Variants in POT1 observed in about 807,000 individuals in gnomAD.
The protein encoded by POT1 is protection of telomeres 1.
Under a neutral mutation model 78.5 loss-of-function variants are expected in POT1, and 47 were observed. The observed-to-expected ratio is 0.60, with a 90% CI of 0.47 to 0.76. The LOEUF (loss-of-function observed/expected upper bound fraction) is 0.76. Among genes scored for constraint, POT1 ranks in the 30% least tolerant of loss-of-function variants. The pLI is 0.00. For synonymous variants in POT1, 259 were observed against 260.7 expected (o/e 0.99, Z 0.06); for missense variants, 646 against 749.9 (o/e 0.86, Z 1.62).
chr7:124,845,913 C>T (rs989251802), intron 12 of POT1, among the ~76,000 whole-genome samples: 33 of 152,052 alleles, frequency 2.2e-4, no homozygotes, highest in East Asian at 5.8e-4. Context: ...AGCCATTTGA[C>T]GAGTTTCATC....
Position 124,823,966 on chromosome 7 carries a change from AT to A in POT1, c.1900del (p.Ile634SerfsTer20), listed in dbSNP as rs752035913. ...IFDTTVAEDV[I>X] ...ATGCTAAATTGGATGGCAATATTAGATTACATCTTCTGCAACTGTGGTGTCA... is the reference window on the plus strand; with the variant it reads ...ATGCTAAATTGGATGGCAATATTAGATACATCTTCTGCAACTGTGGTGTCA... On this transcript the variant is annotated frameshift_variant, in exon 19 of 19. Transcript: ENST00000357628. LOFTEE classifies it high-confidence loss of function. The A allele has an allele frequency of 6.4e-7, 1 of 1,561,482 alleles. No homozygotes were observed. The highest frequency in any genetic ancestry group is 1.1e-5 in the South Asian group (1 of 88,916).
At chr7:124,858,773 C>T (rs942227588) in intron 9 of POT1, 184 bp downstream of exon 9, 5 of 406,320 alleles carry the variant, frequency 1.2e-5, no homozygotes, top group African/African-American at 1.0e-4. Context: ...TTGCTCTAAC[C>T]CATTAAGTTT....
rs1189842655 is a variant in POT1, at chr7:124,822,471, T to C, written c.*1491A>G. On this transcript the variant is annotated 3_prime_UTR_variant, in exon 19 of 19. Coordinates refer to ENST00000357628, the MANE Select transcript of POT1 (RefSeq NM_015450.3). ...GAAGATTCATAGGAAGAGTTTTCCT[T>C]TGTTAACGTGGAGATCTTGCAGGCT... 7.0e-6 allele frequency: 3 copies of C among 428,202 alleles called. No homozygotes were observed. The highest frequency in any genetic ancestry group is 9.6e-6 in the Non-Finnish European group (2 of 208,462). The allele number at this position is 428,202 out of a possible 1,614,324, so 26.5% of individuals were successfully genotyped here. A position where few individuals can be genotyped will look rare whatever the true frequency, so the allele number is the denominator to read the frequency against.
At chr7:124,882,999 T>C (rs1796153937) in intron 6 of POT1, among the ~76,000 whole-genome samples, 1 of 152,004 alleles carries the variant, frequency 6.6e-6, no homozygotes, top group Admixed American at 6.6e-5. Context: ...ACAGTATAAG[T>C]AAGCTGAAGA....
chr7:124,875,365 T>A (rs536406984), intron 6 of POT1, among the ~76,000 whole-genome samples: 1 of 152,318 alleles, frequency 6.6e-6, no homozygotes, highest in South Asian at 2.1e-4. Flanking sequence ...ATGAGGCAAT[T>A]GTCTAAAGGA....
chr7:124,834,098 ATC>A, intron 15 of POT1, among the ~76,000 whole-genome samples: 1 of 152,174 alleles, frequency 6.6e-6, no homozygotes, highest in African/African-American at 2.4e-5. Flanking sequence ...TTATACAAAA[ATC>A]AACTCAAGAT....
intron 14 of POT1, chr7:124,837,181 TGTTTACAAAGGGGATATATCCA>T (rs1265830433): frequency 3.5e-6 from 1 of 289,514 alleles, no homozygotes; most frequent in Non-Finnish European, 6.8e-6. Flanking sequence ...TTTCCTCTTC[TGTTTACAAAGGGGATATATCCA>T]GCTTACAGAA....
At chr7:124,925,569 T>C (rs1180453194) in intron 2 of POT1, among the ~76,000 whole-genome samples, 2 of 151,992 alleles carry the variant, frequency 1.3e-5, no homozygotes, top group East Asian at 3.9e-4. Context: ...CCTTATCAAA[T>C]TACTGATGTC....
At chr7:124,886,939 T>TA in intron 6 of POT1, among the ~76,000 whole-genome samples, 1 of 152,244 alleles carries the variant, frequency 6.6e-6, no homozygotes, top group Admixed American at 6.5e-5. Flanking sequence ...ATCAACTTGT[T>TA]AAAAAAACTT....
intron 6 of POT1, among the ~76,000 whole-genome samples, chr7:124,884,030 T>C (rs1009918499): frequency 6.6e-5 from 10 of 151,988 alleles, no homozygotes; most frequent in Non-Finnish European, 1.3e-4. Context: ...TGGAAGTACA[T>C]TGTTATACTT....
At chr7:124,828,713 A>G (rs1332855990) in intron 16 of POT1, among the ~76,000 whole-genome samples, 2 of 152,222 alleles carry the variant, frequency 1.3e-5, no homozygotes, top group Non-Finnish European at 2.9e-5. Flanking sequence ...AAAAAAAATT[A>G]CATTAAGAAT....
In POT1 at chr7:124,863,766, A is replaced by T. The variant is rs77854550; in HGVS notation, c.256-126T>A. The T allele has an allele frequency of 7.6e-3, 5,493 of 718,588 alleles. 220 individuals are homozygous for T. The African/African-American group carries it at 0.086, about 11-fold the overall frequency. 44.5% of individuals were successfully genotyped at this position (718,588 alleles called of 1,614,324 possible). On this transcript the variant is annotated intron_variant, in intron 7 of 18. Transcript: ENST00000357628. ...GCATAATTAAGAGAGGGCATTTTTT[A>T]AAAACTATTTTTCATTTAATTAGCA...
chr7:124,860,315 G>A (rs996384882), intron 8 of POT1, among the ~76,000 whole-genome samples: 11 of 151,916 alleles, frequency 7.2e-5, no homozygotes, highest in African/African-American at 2.4e-4. Context: ...TGTCTATAAT[G>A]TCATTTTATG....
At chr7:124,849,946 G>T (rs558826993) in intron 11 of POT1, among the ~76,000 whole-genome samples, 12 of 152,140 alleles carry the variant, frequency 7.9e-5, no homozygotes, top group Non-Finnish European at 1.8e-4. Flanking sequence ...GTGATTGAAG[G>T]AATCACACTA....
intron 7 of POT1, among the ~76,000 whole-genome samples, chr7:124,865,948 G>T (rs1795712351): frequency 6.6e-6 from 1 of 152,004 alleles, no homozygotes; most frequent in Non-Finnish European, 1.5e-5. Context: ...TTGACTAAGG[G>T]TAACACTTTG....
At chr7:124,831,086 C>A (rs1488596351) in intron 15 of POT1, among the ~76,000 whole-genome samples, 3 of 152,054 alleles carry the variant, frequency 2.0e-5, no homozygotes, top group Non-Finnish European at 2.9e-5. Context: ...CTAGGAAATA[C>A]AAATAAAAAC....
At chr7:124,871,108 G>A (rs1238012318) in intron 6 of POT1, 67 bp from the exon 7 acceptor site, 4 of 1,356,072 alleles carry the variant, frequency 2.9e-6, no homozygotes, top group Admixed American at 2.2e-5. Context: ...ATAAGAATAT[G>A]CTTACTTCAA....
rs753907475 is a variant in POT1, at chr7:124,897,189, A to T, written c.-16T>A. The T allele has an allele frequency of 1.2e-5, 17 of 1,449,696 alleles. No homozygotes were observed. Among genetic ancestry groups the T allele is most frequent in the Non-Finnish European group, 1.6e-5 (17 of 1,046,466 alleles). The allele number at this position is 1,449,696 out of a possible 1,614,324, so 89.8% of individuals were successfully genotyped here. A position where few individuals can be genotyped will look rare whatever the true frequency, so the allele number is the denominator to read the frequency against. On this transcript the variant is annotated 5_prime_UTR_variant, in exon 5 of 19. Coordinates refer to ENST00000357628, the MANE Select transcript of POT1 (RefSeq NM_015450.3). ...CCAAAGACATTGATTCTGTAGAAAA[A>T]TCTCTTAAAGATTTGACATAAACCT...
intron 6 of POT1, among the ~76,000 whole-genome samples, chr7:124,889,223 T>C (rs1326299068): frequency 6.6e-6 from 1 of 152,052 alleles, no homozygotes; most frequent in East Asian, 1.9e-4. Context: ...TTTAGTCGTC[T>C]GCATAGATGA....
Sources: allele counts gnomAD v4.1 joint callset (sites outside exome capture counted in the v4.1 genomes callset), GRCh38; gene constraint gnomAD v4.1.1; transcripts MANE v1.5; gene names NCBI Gene and HGNC (gene_info 2026-07-23, HGNC 2026-07-21).